Variants in PTPRT observed in about 807,000 individuals in gnomAD.
PTPRT encodes protein tyrosine phosphatase receptor type T, also known as receptor-type tyrosine-protein phosphatase T.
PTPRT carries 56 observed loss-of-function variants against 176.8 expected under a neutral mutation model. The observed-to-expected ratio is 0.32, with a 90% CI of 0.26 to 0.40. The LOEUF is 0.40. PTPRT is among the 10% of genes least tolerant of loss of function. The pLI is 1.00. For synonymous variants in PTPRT, 783 were observed against 739.0 expected, an observed-to-expected ratio of 1.06 and a Z score of -0.96; for missense variants, 1,540 against 1,908.2, an observed-to-expected ratio of 0.81 and a Z score of 3.60.
In PTPRT at chr20:42,075,339, C is replaced by A. The variant is rs928081794; in HGVS notation, c.*5540G>T. 4.3e-6 allele frequency: 1 copy of A among 230,350 alleles called. No homozygotes were observed. Among genetic ancestry groups the A allele is most frequent in the Admixed American group, 5.7e-5 (1 of 17,688 alleles). The allele number at this position is 230,350 out of a possible 1,614,324, so 14.3% of individuals were successfully genotyped here. On this transcript the variant is annotated 3_prime_UTR_variant, in exon 31 of 31. Transcript: ENST00000373187. Reference sequence around the variant, plus strand: ...CACGTTTATGTTTTTTTTCTTCTAACCTACCCTCCAGTTGGGTTGACCATT... The same window carrying A: ...CACGTTTATGTTTTTTTTCTTCTAAACTACCCTCCAGTTGGGTTGACCATT...
intron 9 of PTPRT, among the ~76,000 whole-genome samples, chr20:42,379,774 T>C (rs2058682530): frequency 6.6e-6 from 1 of 152,252 alleles, no homozygotes; most frequent in Admixed American, 6.5e-5. Flanking sequence ...CTTGAATCAG[T>C]GTGCAGAACT....
chr20:42,807,629 T>C (rs1600767637), intron 2 of PTPRT, among the ~76,000 whole-genome samples: 1 of 152,292 alleles, frequency 6.6e-6, no homozygotes, highest in East Asian at 1.9e-4. Flanking sequence ...AAAATTGATA[T>C]ACTACGACCC....
chr20:42,564,281 A>G (rs1407471803), intron 7 of PTPRT, among the ~76,000 whole-genome samples: 1 of 152,182 alleles, frequency 6.6e-6, no homozygotes, highest in Non-Finnish European at 1.5e-5. Context: ...ACTCTTCCAC[A>G]TTGCCCAGAC....
intron 9 of PTPRT, among the ~76,000 whole-genome samples, chr20:42,363,286 ATATATATATATATATTTTTTTTTT>A (rs2058460466): frequency 6.8e-5 from 2 of 29,324 alleles, no homozygotes; most frequent in Non-Finnish European, 1.2e-4. Context: ...ATATATATAT[ATATATATATATATATTTTTTTTTT>A]TTTTTTTTTT....
intron 9 of PTPRT, among the ~76,000 whole-genome samples, chr20:42,394,243 C>T (rs978249762): frequency 6.6e-5 from 10 of 152,084 alleles, no homozygotes; most frequent in African/African-American, 2.4e-4. Context: ...GGAGATCCCC[C>T]TTTATCCCAT....
intron 7 of PTPRT, among the ~76,000 whole-genome samples, chr20:42,542,251 A>G (rs2072596468): frequency 6.6e-6 from 1 of 152,148 alleles, no homozygotes; most frequent in African/African-American, 2.4e-5. Context: ...TAATTAATAT[A>G]CTATGTCAAA....
intron 7 of PTPRT, among the ~76,000 whole-genome samples, chr20:42,572,746 A>G (rs551867755): frequency 2.6e-5 from 4 of 152,286 alleles, no homozygotes; most frequent in South Asian, 4.1e-4. Context: ...GAACTTGCAC[A>G]TAGCACAATC....
chr20:42,759,501 G>T (rs2076884718), intron 5 of PTPRT, among the ~76,000 whole-genome samples: 1 of 152,128 alleles, frequency 6.6e-6, no homozygotes, highest in Non-Finnish European at 1.5e-5. Flanking sequence ...CAGAAATCAG[G>T]TAGCATAAAA....
At chr20:42,170,170 G>T (rs6030027) in intron 16 of PTPRT, among the ~76,000 whole-genome samples, 50,518 of 152,128 alleles carry the variant, frequency 0.33, 8,839 homozygotes, top group Admixed American at 0.37. Flanking sequence ...CAAGATAAGA[G>T]GATGAAGAGG....
intron 7 of PTPRT, among the ~76,000 whole-genome samples, chr20:42,563,560 C>G (rs908743460): frequency 6.6e-6 from 1 of 152,082 alleles, no homozygotes; most frequent in Non-Finnish European, 1.5e-5. Context: ...CTGTTCATAA[C>G]AGAAGTGCAT....
the PTPRT span, among the ~76,000 whole-genome samples, chr20:42,039,496 CCCCA>C: frequency 1.3e-5 from 2 of 151,892 alleles, no homozygotes; most frequent in African/African-American, 2.4e-5. Flanking sequence ...CACTCCCTGC[CCCCA>C]GCCTCTGGTA....
At chr20:42,378,927 G>C (rs751699499) in intron 9 of PTPRT, among the ~76,000 whole-genome samples, 17 of 152,194 alleles carry the variant, frequency 1.1e-4, no homozygotes, top group Non-Finnish European at 2.4e-4. Flanking sequence ...GAAATTCCTT[G>C]TGAATTCCAT....
intron 1 of PTPRT, among the ~76,000 whole-genome samples, chr20:43,041,634 G>A (rs912388894): frequency 3.9e-5 from 6 of 152,226 alleles, no homozygotes; most frequent in South Asian, 2.1e-4. Context: ...AATCATTTTC[G>A]GCTGGAAAGT....
At chr20:42,255,500 C>T (rs926883316) in intron 13 of PTPRT, among the ~76,000 whole-genome samples, 3 of 152,174 alleles carry the variant, frequency 2.0e-5, no homozygotes, top group African/African-American at 7.2e-5. Context: ...TTGTAACCTG[C>T]TACCTAAGTT....
chr20:42,501,648 T>C (rs1015488063), intron 7 of PTPRT, among the ~76,000 whole-genome samples: 2 of 152,324 alleles, frequency 1.3e-5, no homozygotes, highest in South Asian at 4.1e-4. Flanking sequence ...TGTTGAATAG[T>C]TGTGATAGAA....
intron 1 of PTPRT, among the ~76,000 whole-genome samples, chr20:43,187,186 C>G (rs77303309): frequency 0.043 from 6,501 of 152,272 alleles, 194 homozygotes; most frequent in Non-Finnish European, 0.067. Flanking sequence ...ATTAGCCCAA[C>G]TATGTTATGG....
chr20:42,796,572 T>C (rs1235265320), intron 2 of PTPRT, among the ~76,000 whole-genome samples: 1 of 152,236 alleles, frequency 6.6e-6, no homozygotes, highest in African/African-American at 2.4e-5. Context: ...AACTCTGCCG[T>C]TCCTTGCCCG....
chr20:42,634,661 G>A (rs745657250), intron 7 of PTPRT, among the ~76,000 whole-genome samples: 6 of 151,902 alleles, frequency 3.9e-5, no homozygotes, highest in East Asian at 1.9e-4. Context: ...TAAAAAAGAC[G>A]AAAAATATGT....
chr20:42,413,569 A>G (rs1422032434), intron 9 of PTPRT, among the ~76,000 whole-genome samples: 1 of 152,218 alleles, frequency 6.6e-6, no homozygotes, highest in Non-Finnish European at 1.5e-5. Flanking sequence ...TCAATAAAAT[A>G]CCATATCTTA....
Sources: allele counts gnomAD v4.1 joint callset (sites outside exome capture counted in the v4.1 genomes callset), GRCh38; gene constraint gnomAD v4.1.1; transcripts MANE v1.5; gene names NCBI Gene and HGNC (gene_info 2026-07-23, HGNC 2026-07-21).